KCNJ1: variants seen among roughly 807,000 people sequenced by gnomAD.
KCNJ1 encodes ATP-sensitive inward rectifier potassium channel 1.
A neutral mutation model predicts 21.9 loss-of-function variants in KCNJ1; 24 were observed. That is an observed-to-expected ratio of 1.10 (90% confidence interval 0.79 to 1.54). The LOEUF (loss-of-function observed/expected upper bound fraction) is 1.54. Among genes scored for constraint, KCNJ1 ranks in the 40% most tolerant of loss-of-function variants. The pLI is 0.00. For missense variants in KCNJ1, 457 were observed against 455.4 expected, an observed-to-expected ratio of 1.00 and a Z score of -0.03; for synonymous variants, 152 against 160.9, an observed-to-expected ratio of 0.94 and a Z score of 0.42.
intron 1 of KCNJ1, chr11:128,866,705 T>C (rs2855791): frequency 6.1e-6 from 1 of 163,482 alleles, no homozygotes; most frequent in East Asian, 1.9e-4. Flanking sequence ...AATCAAAATG[T>C]CTGGCTAACT....
chr11:128,861,090 C>A (rs1381295851), intron 1 of KCNJ1, among the ~76,000 whole-genome samples: 4 of 152,250 alleles, frequency 2.6e-5, no homozygotes, highest in African/African-American at 9.6e-5. Context: ...AGCATCTGCT[C>A]TCCAGTCACT....
At position 128,850,727 on chromosome 11, in the gene KCNJ1, C is replaced by T; in HGVS notation, c.-28G>A. The T allele has an allele frequency of 3.0e-6, 3 of 984,580 alleles. No individual in the cohort carries two copies. Among genetic ancestry groups the T allele is most frequent in the Non-Finnish European group, 3.6e-6 (3 of 829,156 alleles). The allele number at this position is 984,580 out of a possible 1,614,324, so 61.0% of individuals were successfully genotyped here. On this transcript the variant is annotated 5_prime_UTR_variant, in exon 2 of 3. Coordinates refer to ENST00000392666, the MANE Select transcript of KCNJ1 (RefSeq NM_153766.3). ...TGAAAATCAAGCCACTCACCTCTGT[C>T]AGAAGAGGTTCAGGAGATGATTTTC...
At position 128,846,811 on chromosome 11, in the gene KCNJ1, G is replaced by A. The variant is rs755823934; in HGVS notation, c.-22+3910C>T. ...CACTGGAAGGTGACCTCGTACTACC[G>A]GCGAGGTCTTGGTTCTCCTGGCACA... On this transcript the variant is annotated intron_variant, in intron 2 of 2. Transcript: ENST00000392666. Among the ~76,000 whole-genome samples, 8 of 152,166 alleles carry A rather than the reference G, an allele frequency of 5.3e-5. No individual in the cohort carries two copies. The East Asian group carries it at 1.2e-3, about 22-fold the overall frequency.
chr11:128,839,690 C>T lies in KCNJ1; in HGVS notation c.554G>A (p.Gly185Glu). Residue 185 changes from glycine to glutamate, a missense_variant, in exon 3 of 3, where the codon GGA (glycine) becomes GAA (glutamate). Gly to Glu is a moderately conservative substitution (Grantham distance 98). Coordinates refer to ENST00000392666, the MANE Select transcript of KCNJ1 (RefSeq NM_153766.3). ...FSKNAVISKR[G>E]GKLCLLIRVA... is the part of the protein sequence containing the mutation. ...TCGGATTAGGAGGCAAAGCTTCCCT[C>T]CCCGTTTGCTGATCACTGCGTTCTT... The T allele has an allele frequency of 1.2e-6, 2 of 1,613,242 alleles. No homozygotes were observed. The highest frequency in any genetic ancestry group is 1.7e-6 in the Non-Finnish European group (2 of 1,179,732).
intron 1 of KCNJ1, 86 bp from the exon 2 acceptor site, chr11:128,850,976 G>C: frequency 3.0e-6 from 2 of 674,358 alleles, no homozygotes; most frequent in Non-Finnish European, 3.7e-6. Context: ...AGTTAGTTTG[G>C]ACCAGGAACA....
intron 2 of KCNJ1, among the ~76,000 whole-genome samples, chr11:128,840,474 G>C (rs1943265037): frequency 6.6e-6 from 1 of 152,074 alleles, no homozygotes; most frequent in Non-Finnish European, 1.5e-5. Flanking sequence ...CAAACATAAA[G>C]AGGCAAAATA....
At position 128,839,720 on chromosome 11, in the gene KCNJ1, A is replaced by G. The variant is rs1348090400; in HGVS notation, c.524T>C (p.Phe175Ser). Reference protein sequence around the residue: ...RPKKRAKTITFSKNAVISKRG... With the variant: ...RPKKRAKTITSSKNAVISKRG... ...TTTGCTGATCACTGCGTTCTTGCTGAACGTAATGGTCTTGGCACGTTTTTT... is the reference window on the plus strand; with the variant it reads ...TTTGCTGATCACTGCGTTCTTGCTGGACGTAATGGTCTTGGCACGTTTTTT... The change falls in exon 3 of 3, where the codon TTC (phenylalanine) becomes TCC (serine). Residue 175 changes from phenylalanine (F) to serine (S), a missense_variant. By Grantham distance (155) the Phe-to-Ser change is radical. Transcript: ENST00000392666. The G allele has an allele frequency of 1.9e-6, 3 of 1,613,518 alleles. No homozygotes were observed. Among genetic ancestry groups the G allele is most frequent in the Non-Finnish European group, 2.5e-6 (3 of 1,179,780 alleles).
intron 1 of KCNJ1, among the ~76,000 whole-genome samples, chr11:128,853,280 C>A (rs1349549930): frequency 6.6e-6 from 1 of 152,148 alleles, no homozygotes; most frequent in Non-Finnish European, 1.5e-5. Flanking sequence ...TGTCCATCAG[C>A]TGATGAATCA....
chr11:128,862,998 G>T (rs2135962686), intron 1 of KCNJ1, among the ~76,000 whole-genome samples: 1 of 152,336 alleles, frequency 6.6e-6, no homozygotes, highest in South Asian at 2.1e-4. Context: ...GCTGAGTTCT[G>T]CTGAGCTCTT....
At chr11:128,845,137 G>A (rs938637824) in intron 2 of KCNJ1, among the ~76,000 whole-genome samples, 1 of 152,196 alleles carries the variant, frequency 6.6e-6, no homozygotes, top group Non-Finnish European at 1.5e-5. Flanking sequence ...GGGATTATGG[G>A]GCAGAGCCCC....
In KCNJ1 at chr11:128,839,636, A is replaced by G. The variant is rs1354745124; in HGVS notation, c.608T>C (p.Ile203Thr). The G allele has an allele frequency of 6.2e-6, 10 of 1,613,852 alleles. No homozygotes were observed. Among genetic ancestry groups the G allele is most frequent in the African/African-American group, 1.3e-5 (1 of 75,060 alleles). The change falls in exon 3 of 3, where the codon ATT becomes ACT. Residue 203 changes from isoleucine to threonine, a missense_variant. Ile to Thr is a moderately conservative substitution (Grantham distance 89, BLOSUM62 -1). Transcript: ENST00000392666. The part of the protein sequence containing the change: ...RVANLRKSLL[I>T]GSHIYGKLLK... ...AAGCTTTCCATAAATGTGACTGCCA[A>G]TAAGAAGGCTCTTCCTGAGATTAGC... is the stretch of plus-strand genomic sequence containing the variant.
intron 2 of KCNJ1, chr11:128,842,258 T>C (rs1943295049): frequency 5.5e-6 from 6 of 1,093,862 alleles, no homozygotes; most frequent in Middle Eastern, 3.9e-4. Context: ...AGAAGATTTC[T>C]GTAGAGTGAA....
chr11:128,841,592 GT>G (rs2135942344), intron 2 of KCNJ1, among the ~76,000 whole-genome samples: 1 of 152,244 alleles, frequency 6.6e-6, no homozygotes, highest in South Asian at 2.1e-4. Context: ...ATGCAAATAT[GT>G]TTTTAAAATA....
Position 128,840,266 on chromosome 11 carries a change from T to A in KCNJ1, c.-21-2A>T. ...CATACTTTCTGTCAACACCCTGATC[T>A]GAAAACACATCAAAGAAAAACAAAA... On this transcript the variant is annotated splice_acceptor_variant, in intron 2 of 2. Transcript: ENST00000392666. LOFTEE classifies it low-confidence loss of function (5UTR_SPLICE). 6.2e-7 allele frequency: 1 copy of A among 1,614,050 alleles called. No homozygotes were observed.
At chr11:128,856,387 G>A (rs1312479763) in intron 1 of KCNJ1, among the ~76,000 whole-genome samples, 4 of 152,206 alleles carry the variant, frequency 2.6e-5, no homozygotes, top group Non-Finnish European at 5.9e-5. Context: ...CCTTTCTCTG[G>A]AAGCTCTTGG....
intron 2 of KCNJ1, among the ~76,000 whole-genome samples, chr11:128,849,679 C>T (rs569544814): frequency 1.3e-5 from 2 of 152,218 alleles, no homozygotes; most frequent in African/African-American, 2.4e-5. Context: ...GCCATGAGAG[C>T]AGCTGAAGAT....
chr11:128,854,940 G>T (rs541077118), intron 1 of KCNJ1, among the ~76,000 whole-genome samples: 1 of 152,274 alleles, frequency 6.6e-6, no homozygotes, highest in South Asian at 2.1e-4. Flanking sequence ...TAGCTGGAGC[G>T]CACGTGCAGG....
chr11:128,854,138 A>C lies in KCNJ1; in HGVS notation c.-191-3248T>G, dbSNP rs1434131683. 2.1e-5 allele frequency among the ~76,000 whole-genome samples: 3 copies of C among 145,946 alleles called. No homozygotes were observed. The Admixed American group carries it at 2.2e-4, about 11-fold the overall frequency. On this transcript the variant is annotated intron_variant, in intron 1 of 2. Transcript: ENST00000392666. ...TGGCAGCTCCAGGGTGAAGTCCCTC[A>C]CACCTCCCAGTGCCAGAGGGCAGGT...
chr11:128,850,355 G>C (rs1288503993), intron 2 of KCNJ1, among the ~76,000 whole-genome samples: 1 of 152,212 alleles, frequency 6.6e-6, no homozygotes, highest in African/African-American at 2.4e-5. Context: ...GGTATGAACA[G>C]TAATTTTAAC....
Sources: allele counts gnomAD v4.1 joint callset (sites outside exome capture counted in the v4.1 genomes callset), GRCh38; gene constraint gnomAD v4.1.1; transcripts MANE v1.5; gene names NCBI Gene and HGNC (gene_info 2026-07-23, HGNC 2026-07-21).